Variants in PLAC8L1 observed in about 807,000 individuals in gnomAD.
The protein encoded by PLAC8L1 is PLAC8-like protein 1.
In PLAC8L1, 13 loss-of-function variants were observed where a neutral mutation model predicts 16.3. The observed-to-expected ratio is 0.80, with a 90% confidence interval of 0.52 to 1.27. The LOEUF (loss-of-function observed/expected upper bound fraction) is 1.27, where lower values mean the gene tolerates loss of function less well. Ranked by LOEUF, PLAC8L1 falls within the 50% of genes most tolerant of loss-of-function variation. PLAC8L1 has a pLI of 0.00. For synonymous variants in PLAC8L1, 78 were observed against 79.3 expected (o/e 0.98, Z 0.09); for missense variants, 184 against 220.2 (o/e 0.84, Z 1.04).
At chr5:146,100,795 G>A (rs1043733971) in intron 1 of PLAC8L1, among the ~76,000 whole-genome samples, 4 of 152,108 alleles carry the variant, frequency 2.6e-5, no homozygotes, top group Admixed American at 2.0e-4. Context: ...CCCCCAAAAC[G>A]CATATATGTT....
At position 146,098,018 on chromosome 5, in the gene PLAC8L1, T is replaced by C. The variant is rs1763744157; in HGVS notation, c.256+138A>G. The C allele has an allele frequency of 5.9e-6, 6 of 1,021,040 alleles. No homozygotes were observed. The East Asian group carries it at 1.0e-4, about 17-fold the overall frequency. 63.2% of individuals were successfully genotyped at this position (1,021,040 alleles called of 1,614,324 possible). A position where few individuals can be genotyped will look rare whatever the true frequency, so the allele number is the denominator to read the frequency against. The stretch of plus-strand genomic sequence containing the variant: ...AGATTTTTCCAGACAAGGAGTACAT[T>C]TGAGTCACTGAAAGATTAGTCCAGT... On this transcript the variant is annotated intron_variant, in intron 2 of 3. Coordinates refer to ENST00000311450, the MANE Select transcript of PLAC8L1 (RefSeq NM_001029869.3).
At chr5:146,098,059 T>TC (rs1763744629) in intron 2 of PLAC8L1, 97 bp downstream of exon 2, 1 of 1,354,972 alleles carries the variant, frequency 7.4e-7, no homozygotes, top group Non-Finnish European at 1.0e-6. Flanking sequence ...TGAAAACATT[T>TC]AATTTCTGTC....
At chr5:146,100,599 TAAG>T (rs1214936101) in intron 1 of PLAC8L1, among the ~76,000 whole-genome samples, 6 of 152,164 alleles carry the variant, frequency 3.9e-5, no homozygotes, top group East Asian at 3.8e-4. Context: ...GAATGGTTGC[TAAG>T]AAGCAGCAAC....
At chr5:146,100,154 T>A (rs1475107694) in intron 1 of PLAC8L1, among the ~76,000 whole-genome samples, 1 of 152,114 alleles carries the variant, frequency 6.6e-6, no homozygotes, top group Non-Finnish European at 1.5e-5. Flanking sequence ...GGTGGCGATG[T>A]CAACGCAAGA....
Position 146,092,592 on chromosome 5 carries a change from AG to A in PLAC8L1, c.256+5563del, listed in dbSNP as rs578124056. On this transcript the variant is annotated intron_variant, in intron 2 of 3. Transcript: ENST00000311450. The stretch of plus-strand genomic sequence containing the variant: ...AGTCTCACTCTGTCACCCAGGCTGA[AG>A]TGCAGTAGCATGATCTCAGCTGACT... Among the ~76,000 whole-genome samples the A allele has an allele frequency of 2.8e-3, 398 of 144,658 alleles. 2 individuals are homozygous for A. Among genetic ancestry groups the A allele is most frequent in the South Asian group, 6.1e-3 (28 of 4,620 alleles). 94.9% of individuals were successfully genotyped at this position (144,658 alleles called of 152,430 possible).
intron 2 of PLAC8L1, among the ~76,000 whole-genome samples, chr5:146,091,899 ATT>A (rs1763624978): frequency 6.6e-6 from 1 of 152,044 alleles, no homozygotes; most frequent in Admixed American, 6.6e-5. Context: ...GTGAAAAAAA[ATT>A]TTGTCTTTTT....
At chr5:146,105,577 G>GAAAAAAAA (rs1561787606), upstream of PLAC8L1, among the ~76,000 whole-genome samples, 1 of 22,274 alleles carries the variant, frequency 4.5e-5, no homozygotes, top group Admixed American at 7.6e-4. Context: ...TACTAGCTTT[G>GAAAAAAAA]CAAAAAAAAA....
intron 1 of PLAC8L1, among the ~76,000 whole-genome samples, chr5:146,099,754 TA>T (rs1763779842): frequency 1.0e-4 from 15 of 150,590 alleles, no homozygotes; most frequent in South Asian, 2.1e-4. Context: ...AGAACATTCC[TA>T]ACTACCCTTA....
chr5:146,085,510 C>T lies in PLAC8L1; in HGVS notation c.344G>A (p.Gly115Glu). The T allele has an allele frequency of 6.2e-7, 1 of 1,614,004 alleles. No individual in the cohort carries two copies. The highest frequency in any genetic ancestry group is 2.2e-5 in the East Asian group (1 of 44,876). The change falls in exon 3 of 4, where the codon GGG (glycine) becomes GAG (glutamate). Residue 115 changes from glycine to glutamate, a missense_variant. Transcript: ENST00000311450. ...GCCAATTCTCAGTGCAAAGGTGGAC[C>T]CAGGTAACAACGGCCAACAAAGACA... ...GECLCWPLLPGSTFALRIGTR... is the reference protein window; with the variant it reads ...GECLCWPLLPESTFALRIGTR...
At chr5:146,086,325 G>T (rs995590210) in intron 2 of PLAC8L1, among the ~76,000 whole-genome samples, 1 of 152,110 alleles carries the variant, frequency 6.6e-6, no homozygotes, top group Non-Finnish European at 1.5e-5. Flanking sequence ...CACCGCGCCC[G>T]GCCGAAAGGT....
chr5:146,085,656 T>C, intron 2 of PLAC8L1, 59 bp from the exon 3 acceptor site: 5 of 1,549,316 alleles, frequency 3.2e-6, no homozygotes, highest in Non-Finnish European at 4.4e-6. Context: ...CAACTTCACA[T>C]CTCAAAGAAT....
intron 2 of PLAC8L1, among the ~76,000 whole-genome samples, chr5:146,087,996 A>G (rs1328904157): frequency 6.6e-6 from 1 of 152,130 alleles, no homozygotes; most frequent in Non-Finnish European, 1.5e-5. Context: ...TTGTGATTGG[A>G]TCACAGGGGC....
intron 2 of PLAC8L1, 94 bp from the exon 3 acceptor site, chr5:146,085,691 T>A: frequency 7.3e-7 from 1 of 1,368,660 alleles, no homozygotes; most frequent in Non-Finnish European, 9.9e-7. Context: ...GCCACCAGTT[T>A]AATGCTGCAC....
intron 2 of PLAC8L1, among the ~76,000 whole-genome samples, chr5:146,092,408 C>CA (rs1763634754): frequency 6.6e-6 from 1 of 152,004 alleles, no homozygotes; most frequent in African/African-American, 2.4e-5. Flanking sequence ...TGCAAAATGA[C>CA]ATCTGTGCAG....
rs58130114 is a variant in PLAC8L1, at chr5:146,086,024, C to CTTTTTTTTTTTTTT, written c.257-441_257-428dup. Among the ~76,000 whole-genome samples, 40 of 90,390 alleles carry CTTTTTTTTTTTTTT rather than the reference C, an allele frequency of 4.4e-4. 5 individuals are homozygous for CTTTTTTTTTTTTTT. The highest frequency in any genetic ancestry group is 1.8e-3 in the African/African-American group (38 of 21,658). 59.3% of individuals were successfully genotyped at this position (90,390 alleles called of 152,430 possible). A position where few individuals can be genotyped will look rare whatever the true frequency, so the allele number is the denominator to read the frequency against. ...ATTTCTATAAGTGTAATTGAAAGGT[C>CTTTTTTTTTTTTTT]TTTTTTTTTTTTTTTTTTTTTTTGA... On this transcript the variant is annotated intron_variant, in intron 2 of 3. Transcript: ENST00000311450.
At chr5:146,093,302 T>C (rs1763653357) in intron 2 of PLAC8L1, among the ~76,000 whole-genome samples, 1 of 152,244 alleles carries the variant, frequency 6.6e-6, no homozygotes, top group Non-Finnish European at 1.5e-5. Flanking sequence ...GATGGAGTAC[T>C]ACTTGCTTTT....
intron 2 of PLAC8L1, among the ~76,000 whole-genome samples, chr5:146,090,483 C>T (rs940583953): frequency 4.6e-5 from 7 of 151,754 alleles, no homozygotes; most frequent in Middle Eastern, 3.4e-3. Flanking sequence ...TGCCATGAGC[C>T]GAGATCGGGC....
At chr5:146,099,162 C>T (rs78018895) in intron 1 of PLAC8L1, among the ~76,000 whole-genome samples, 4,880 of 152,108 alleles carry the variant, frequency 0.032, 262 homozygotes, top group African/African-American at 0.11. Context: ...CACTTGGCCT[C>T]ATAGAAGGGG....
At chr5:146,086,024 C>CTTGTT (rs1763507384) in intron 2 of PLAC8L1, among the ~76,000 whole-genome samples, 1 of 90,396 alleles carries the variant, frequency 1.1e-5, no homozygotes, top group Non-Finnish European at 2.0e-5. Context: ...ATTGAAAGGT[C>CTTGTT]TTTTTTTTTT....
Sources: gnomAD v4.1 joint callset for allele counts (sites outside exome capture counted in the v4.1 genomes callset) on GRCh38, gnomAD v4.1.1 for gene constraint, MANE v1.5 for transcripts, NCBI Gene and HGNC (gene_info 2026-07-23, HGNC 2026-07-21) for gene names.